Variants in FAIM2 observed in about 807,000 individuals in gnomAD.
FAIM2 encodes the protein Fas apoptotic inhibitory molecule 2, also known as protein lifeguard 2.
FAIM2 carries 27 observed loss-of-function variants against 47.4 expected under a neutral mutation model. That is an observed-to-expected ratio of 0.57 (90% CI 0.42 to 0.78). The LOEUF (loss-of-function observed/expected upper bound fraction) is 0.78, where lower values mean the gene tolerates loss of function less well. FAIM2 is among the 30% of genes least tolerant of loss of function. The pLI, the probability that FAIM2 is intolerant of heterozygous loss-of-function variation, is 0.00. For synonymous variants in FAIM2, 156 were observed against 159.3 expected (o/e 0.98, Z 0.16); for missense variants, 311 against 389.4 (o/e 0.80, Z 1.69).
chr12:49,889,082 C>T, intron 10 of FAIM2, 25 bp downstream of exon 10: 1 of 1,566,406 alleles, frequency 6.4e-7, no homozygotes, highest in Non-Finnish European at 8.7e-7. Context: ...CCCCATGGGG[C>T]CTGCTGGGGG....
chr12:49,875,559 C>G (rs575637144), intron 11 of FAIM2, among the ~76,000 whole-genome samples: 1 of 152,150 alleles, frequency 6.6e-6, no homozygotes, highest in African/African-American at 2.4e-5. Context: ...ACAACATTTG[C>G]ACCCCCAGGA....
At chr12:49,897,405 C>A (rs941099293) in intron 4 of FAIM2, 114 bp downstream of exon 4, 2 of 989,532 alleles carry the variant, frequency 2.0e-6, no homozygotes, top group East Asian at 5.0e-5. Flanking sequence ...AGGCCCACTG[C>A]CCCACAGGCA....
rs1367000469 is a variant in FAIM2, at chr12:49,890,708, C to T, written c.500G>A (p.Trp167Ter). Residue 167 changes from tryptophan to a stop codon, truncating the protein, a stop_gained, in exon 7 of 12, where the codon TGG becomes TAG. Transcript: ENST00000320634. LOFTEE classifies it high-confidence loss of function. ...AAAGACGGTCAGGAGAATCAGGTTC[C>T]AGGGGAAATGCCTCCTGCAAGGCAA... Reference protein sequence around the residue: ...CCSGPRRHFPWNLILLTVFTL... With the variant: ...CCSGPRRHFP 6.2e-7 allele frequency: 1 copy of T among 1,614,092 alleles called. No individual in the cohort carries two copies. The highest frequency in any genetic ancestry group is 1.1e-5 in the South Asian group (1 of 91,066).
intron 11 of FAIM2, among the ~76,000 whole-genome samples, chr12:49,878,834 A>G (rs1373033996): frequency 3.8e-5 from 2 of 52,212 alleles, no homozygotes; most frequent in Non-Finnish European, 6.6e-5. Flanking sequence ...ATGTGAGTGT[A>G]TGTGTGTGCA....
chr12:49,889,027 G>A (rs919973541), intron 10 of FAIM2, 80 bp downstream of exon 10: 34 of 1,033,348 alleles, frequency 3.3e-5, no homozygotes, highest in Middle Eastern at 2.0e-4. Flanking sequence ...CTTCCCTGGC[G>A]GATAGGGGAG....
chr12:49,897,142 G>A (rs1024562715), intron 4 of FAIM2, 58 bp from the exon 5 acceptor site: 4 of 1,373,166 alleles, frequency 2.9e-6, no homozygotes, highest in African/African-American at 1.4e-5. Context: ...CTCCATTTCT[G>A]GTTCAGCATC....
chr12:49,873,622 GCTCTGGGGGTGGCC>G (rs983452331), intron 11 of FAIM2, among the ~76,000 whole-genome samples: 65 of 152,146 alleles, frequency 4.3e-4, no homozygotes, highest in African/African-American at 1.5e-3. Context: ...GATCTGTCCA[GCTCTGGGGGTGGCC>G]CTTCTGAGAA....
At chr12:49,901,077 T>G in intron 2 of FAIM2, 53 bp downstream of exon 2, 1 of 1,428,706 alleles carries the variant, frequency 7.0e-7, no homozygotes, top group Non-Finnish European at 9.3e-7. Flanking sequence ...GTTTTCCCTC[T>G]GGGTCCACCC....
intron 11 of FAIM2, among the ~76,000 whole-genome samples, chr12:49,880,742 GCA>G (rs1386452250): frequency 7.9e-5 from 12 of 151,126 alleles, no homozygotes; most frequent in African/African-American, 2.4e-4. Context: ...GTGTATGTGT[GCA>G]TGTGTGTGTG....
intron 11 of FAIM2, among the ~76,000 whole-genome samples, chr12:49,883,788 G>GT: frequency 6.6e-6 from 1 of 152,242 alleles, no homozygotes; most frequent in Middle Eastern, 3.4e-3. Flanking sequence ...GGAAGAAGGT[G>GT]TTTTGGGGCA....
chr12:49,896,349 G>A (rs904560510), intron 5 of FAIM2, among the ~76,000 whole-genome samples: 1 of 152,132 alleles, frequency 6.6e-6, no homozygotes, highest in African/African-American at 2.4e-5. Flanking sequence ...TTACTGGCCG[G>A]GTTCCTCAAA....
chr12:49,871,294 C>T (rs183156349), intron 11 of FAIM2, among the ~76,000 whole-genome samples: 10 of 152,334 alleles, frequency 6.6e-5, no homozygotes, highest in Admixed American at 2.0e-4. Flanking sequence ...AGGCCGGCTT[C>T]GGAGCCCCAG....
At chr12:49,898,629 C>T (rs938741508) in intron 2 of FAIM2, among the ~76,000 whole-genome samples, 8 of 152,134 alleles carry the variant, frequency 5.3e-5, no homozygotes, top group Middle Eastern at 3.2e-3. Context: ...CTGGCTCAGG[C>T]GATCCTCCCA....
chr12:49,902,822 A>G (rs1424472939), intron 1 of FAIM2: 5 of 151,926 alleles, frequency 3.3e-5, no homozygotes, highest in Admixed American at 3.3e-4. Flanking sequence ...CCCGACACAC[A>G]TACGGCACTC....
intron 11 of FAIM2, among the ~76,000 whole-genome samples, chr12:49,881,242 T>C (rs540084397): frequency 2.0e-5 from 3 of 152,200 alleles, no homozygotes; most frequent in African/African-American, 7.2e-5. Flanking sequence ...CTCTGGTCTG[T>C]CCACTCAGCT....
intron 1 of FAIM2, 32 bp downstream of exon 1, chr12:49,903,746 G>C: frequency 6.4e-7 from 1 of 1,551,108 alleles, no homozygotes; most frequent in Non-Finnish European, 8.7e-7. Flanking sequence ...CCGGAGGATG[G>C]AGGATGGTGC....
At chr12:49,885,964 A>G (rs1946858163) in intron 11 of FAIM2, among the ~76,000 whole-genome samples, 1 of 151,804 alleles carries the variant, frequency 6.6e-6, no homozygotes, top group African/African-American at 2.4e-5. Context: ...TCCCTATCCA[A>G]AGCCCCCAAA....
chr12:49,882,102 C>T (rs998791096), intron 11 of FAIM2, among the ~76,000 whole-genome samples: 1 of 152,238 alleles, frequency 6.6e-6, no homozygotes, highest in African/African-American at 2.4e-5. Context: ...CACTCTTGCA[C>T]AGTCTCCTTG....
Position 49,870,465 on chromosome 12 carries a change from G to A in FAIM2, c.*39C>T. The A allele has an allele frequency of 6.3e-7, 1 of 1,594,384 alleles. No individual in the cohort carries two copies. Among genetic ancestry groups the A allele is most frequent in the Non-Finnish European group, 8.6e-7 (1 of 1,164,814 alleles). On this transcript the variant is annotated 3_prime_UTR_variant, in exon 12 of 12. Coordinates refer to ENST00000320634, the MANE Select transcript of FAIM2 (RefSeq NM_012306.4). ...AGGGGAGGGACAGGGAACCAGGAGG[G>A]GCGCATTCTCTGGAGGACGGTGGGG...
Sources: gnomAD v4.1 joint callset for allele counts (sites outside exome capture counted in the v4.1 genomes callset) on GRCh38, gnomAD v4.1.1 for gene constraint, MANE v1.5 for transcripts, NCBI Gene and HGNC (gene_info 2026-07-23, HGNC 2026-07-21) for gene names.